The following APP variants were observed in gnomAD, a reference collection of about 807,000 sequenced individuals.
The protein encoded by APP is amyloid-beta precursor protein.
In APP, 31 loss-of-function variants were observed where a neutral mutation model predicts 101.4. The ratio of observed to expected loss-of-function variants is 0.31; its 90% CI spans 0.23 to 0.41. The LOEUF (loss-of-function observed/expected upper bound fraction) is 0.41. APP is among the 10% of genes least tolerant of loss of function. The pLI is 1.00. For synonymous variants in APP, 366 were observed against 364.4 expected (o/e 1.00, Z -0.05); for missense variants, 839 against 1,003.7 (o/e 0.84, Z 2.22).
chr21:26,031,557 G>A (rs1043958696), intron 5 of APP, among the ~76,000 whole-genome samples: 3 of 152,104 alleles, frequency 2.0e-5, no homozygotes, highest in Non-Finnish European at 2.9e-5. Flanking sequence ...CATGGTGGCG[G>A]CAAGAGAAAA....
intron 6 of APP, among the ~76,000 whole-genome samples, chr21:26,020,933 A>G (rs976060594): frequency 1.2e-4 from 18 of 152,290 alleles, no homozygotes; most frequent in Middle Eastern, 3.4e-3. Context: ...CATTAATACT[A>G]TATTTACTTC....
At chr21:25,912,083 T>A in intron 13 of APP, 121 bp from the exon 14 acceptor site, 1 of 778,278 alleles carries the variant, frequency 1.3e-6, no homozygotes, top group African/African-American at 1.7e-5. Flanking sequence ...ATGATCGCGT[T>A]TAGAGCCATG....
At chr21:26,059,101 A>G (rs1402572430) in intron 3 of APP, among the ~76,000 whole-genome samples, 1 of 152,022 alleles carries the variant, frequency 6.6e-6, no homozygotes, top group Non-Finnish European at 1.5e-5. Flanking sequence ...ATAATAATAA[A>G]GACATTAAAA....
rs112263157 is a variant in APP, at chr21:25,911,810, T to C, written c.1840A>G (p.Ser614Gly). The part of the protein sequence containing the change: ...VELLPVNGEF[S>G]LDDLQPWHSF... ...TGCCACGGCTGGAGATCGTCCAGGC[T>C]GAACTCTCCATTCACGGGAAGGAGC... The change falls in exon 14 of 18, where the codon AGC becomes GGC. Residue 614 changes from serine (S) to glycine (G), a missense_variant. Ser to Gly is a moderately conservative substitution (Grantham distance 56, BLOSUM62 0). Transcript: ENST00000346798. 1,295 of 1,614,196 alleles carry C rather than the reference T, an allele frequency of 8.0e-4. 8 individuals carry two copies. In the African/African-American group the frequency reaches 0.015, roughly 19 times the overall value.
At chr21:26,070,083 A>C (rs2046613460) in intron 3 of APP, among the ~76,000 whole-genome samples, 1 of 152,162 alleles carries the variant, frequency 6.6e-6, no homozygotes, top group Admixed American at 6.5e-5. Flanking sequence ...GATGAGGAAG[A>C]CAATATCTAA....
Position 26,021,046 on chromosome 21 carries a change from CTTTT to C in APP, c.865+790_865+793del, listed in dbSNP as rs144287372. Among the ~76,000 whole-genome samples the C allele has an allele frequency of 6.6e-3, 674 of 101,722 alleles. 3 individuals are homozygous for C. The highest frequency in any genetic ancestry group is 0.022 in the African/African-American group (642 of 28,876). 66.7% of individuals were successfully genotyped at this position (101,722 alleles called of 152,430 possible). A position where few individuals can be genotyped will look rare whatever the true frequency, so the allele number is the denominator to read the frequency against. ...TAAAATAATGCGATACTCACCAAAT[CTTTT>C]TTTTTTTTTTTTTTTTTGAGACAAT... On this transcript the variant is annotated intron_variant, in intron 6 of 17. Transcript: ENST00000346798.
At chr21:26,001,769 G>A (rs1251305921) in intron 6 of APP, among the ~76,000 whole-genome samples, 1 of 120,966 alleles carries the variant, frequency 8.3e-6, no homozygotes, top group South Asian at 2.4e-4. Flanking sequence ...TAAGTGCTGG[G>A]ATTACAGGCG....
intron 1 of APP, among the ~76,000 whole-genome samples, chr21:26,155,420 C>T (rs555905370): frequency 7.9e-5 from 12 of 152,222 alleles, no homozygotes; most frequent in South Asian, 4.1e-4. Context: ...AAATTAATTT[C>T]GCCTGCTTAT....
Position 25,903,368 on chromosome 21 carries a change from CAAAA to C in APP, c.1963+1652_1963+1655del, listed in dbSNP as rs937462787. ...TGGGGGACACAGCGAGACTCCATCT[CAAAA>C]AAAAAAAAAAAAAATCAAAAAACAA... On this transcript the variant is annotated intron_variant, in intron 15 of 17. Coordinates refer to ENST00000346798, the MANE Select transcript of APP (RefSeq NM_000484.4). Among the ~76,000 whole-genome samples, 9 of 68,574 alleles carry C rather than the reference CAAAA, an allele frequency of 1.3e-4. No individual in the cohort carries two copies. The South Asian group carries it at 1.5e-3, about 12-fold the overall frequency. The allele number at this position is 68,574 out of a possible 152,430, so 45.0% of individuals were successfully genotyped here.
At chr21:26,015,347 T>C (rs2044005428) in intron 6 of APP, among the ~76,000 whole-genome samples, 2 of 152,178 alleles carry the variant, frequency 1.3e-5, no homozygotes, top group South Asian at 4.1e-4. Flanking sequence ...TTCCTATAAA[T>C]TAATTAATTT....
chr21:25,957,434 A>G (rs1454262494), intron 11 of APP, among the ~76,000 whole-genome samples: 3 of 152,246 alleles, frequency 2.0e-5, no homozygotes, highest in African/African-American at 7.2e-5. Context: ...TTTGATATGC[A>G]GAGTTGTGTG....
At position 25,891,812 on chromosome 21, in the gene APP, C is replaced by T; in HGVS notation, c.2121G>A (p.Val707=). 1.2e-6 allele frequency: 2 copies of T among 1,614,098 alleles called. No homozygotes were observed. Among genetic ancestry groups the T allele is most frequent in the Non-Finnish European group, 1.7e-6 (2 of 1,179,992 alleles). ...TCACTGTCGCTATGACAACACCGCC[C>T]ACCATGAGTCCAATGATTGCACCTT... The part of the protein sequence containing the change: ...SNKGAIIGLM[V]GGVVIATVIV... The change falls in exon 17 of 18, where the codon GTG becomes GTA. Residue 707 remains valine (V), a synonymous_variant. Coordinates refer to ENST00000346798, the MANE Select transcript of APP (RefSeq NM_000484.4).
intron 11 of APP, among the ~76,000 whole-genome samples, chr21:25,972,391 C>G (rs1292426894): frequency 1.3e-5 from 2 of 152,140 alleles, no homozygotes; most frequent in Non-Finnish European, 2.9e-5. Flanking sequence ...ACAAATAAGA[C>G]AGCAGAGTAT....
At chr21:26,071,777 CAG>C (rs1486046772) in intron 3 of APP, among the ~76,000 whole-genome samples, 1 of 152,162 alleles carries the variant, frequency 6.6e-6, no homozygotes, top group African/African-American at 2.4e-5. Context: ...AGGCCAAAGG[CAG>C]AGAGTTTCTA....
chr21:26,051,679 G>C (rs1407498687), intron 4 of APP, among the ~76,000 whole-genome samples: 1 of 152,116 alleles, frequency 6.6e-6, no homozygotes, highest in East Asian at 1.9e-4. Flanking sequence ...ACAATCCTGG[G>C]AAGAGAAGAA....
chr21:25,980,795 TG>T (rs1455459878), intron 9 of APP, among the ~76,000 whole-genome samples: 1 of 152,166 alleles, frequency 6.6e-6, no homozygotes, highest in Admixed American at 6.5e-5. Flanking sequence ...GGTCAGGAGA[TG>T]ATTATCATGG....
At chr21:25,902,616 T>C (rs1161893726) in intron 15 of APP, among the ~76,000 whole-genome samples, 1 of 146,212 alleles carries the variant, frequency 6.8e-6, no homozygotes, top group African/African-American at 2.5e-5. Context: ...GTTCCCTTCT[T>C]CTTTGCCAAT....
At chr21:26,047,549 G>A (rs1478288181) in intron 5 of APP, among the ~76,000 whole-genome samples, 1 of 152,146 alleles carries the variant, frequency 6.6e-6, no homozygotes, top group Non-Finnish European at 1.5e-5. Flanking sequence ...TACAGGAAAA[G>A]AAGTTAAAAA....
At chr21:26,136,130 C>CAAAAAAAAAAA (rs566248174) in intron 1 of APP, among the ~76,000 whole-genome samples, 2 of 50,380 alleles carry the variant, frequency 4.0e-5, no homozygotes, top group Admixed American at 2.6e-4. Context: ...GACTCTGTCT[C>CAAAAAAAAAAA]AAAAAAGAAA....
Sources: gnomAD v4.1 joint callset for allele counts (sites outside exome capture counted in the v4.1 genomes callset) on GRCh38, gnomAD v4.1.1 for gene constraint, MANE v1.5 for transcripts, NCBI Gene and HGNC (gene_info 2026-07-23, HGNC 2026-07-21) for gene names.